IFIT1: variants seen among roughly 807,000 people sequenced by gnomAD.
The protein encoded by IFIT1 is antiviral innate immune response effector IFIT1.
Under a neutral mutation model 2.5 loss-of-function variants are expected in IFIT1, and 1 was observed. The ratio of observed to expected loss-of-function variants is 0.40; its 90% CI spans 0.14 to 1.92. The LOEUF is 1.92. Ranked by LOEUF, IFIT1 falls within the 40% of genes most tolerant of loss-of-function variation. IFIT1 has a pLI of 0.31. For synonymous variants in IFIT1, 191 were observed against 201.7 expected, an observed-to-expected ratio of 0.95 and a Z score of 0.45; for missense variants, 508 against 557.8, an observed-to-expected ratio of 0.91 and a Z score of 0.90.
chr10:89,401,803 C>A (rs1418456722), intron 1 of IFIT1, among the ~76,000 whole-genome samples: 2 of 149,744 alleles, frequency 1.3e-5, no homozygotes, highest in Non-Finnish European at 3.0e-5. Flanking sequence ...AAAAAAAAAA[C>A]CCGGGTCAAA....
rs1024037941 is a variant in IFIT1 at position 89,396,657 on chromosome 10, A to G, written c.5+3940A>G. On this transcript the variant is annotated intron_variant, in intron 1 of 1. Transcript: ENST00000371804. The stretch of plus-strand genomic sequence containing the variant: ...TAGACCCTACCTCCAAAATTGTGAC[A>G]CTAGAGATCAAATTTCCGTAGATTT... Among the ~76,000 whole-genome samples the G allele has an allele frequency of 7.9e-4, 121 of 152,222 alleles. 1 individual carries two copies. Among genetic ancestry groups the G allele is most frequent in the African/African-American group, 2.9e-3 (119 of 41,454 alleles).
chr10:89,396,318 CT>C (rs1337619124), intron 1 of IFIT1, among the ~76,000 whole-genome samples: 1 of 152,070 alleles, frequency 6.6e-6, no homozygotes, highest in African/African-American at 2.4e-5. Context: ...TGGGCAATTT[CT>C]AAAGAAAAAA....
In IFIT1 at chr10:89,403,228, T is replaced by C; in HGVS notation, c.953T>C (p.Leu318Pro). 3 of 1,614,150 alleles carry C rather than the reference T, an allele frequency of 1.9e-6. No homozygotes were observed. Among genetic ancestry groups the C allele is most frequent in the African/African-American group, 2.7e-5 (2 of 75,044 alleles). The stretch of plus-strand genomic sequence containing the variant: ...CCTAGAGGGCAGAACAGAGAAAAGC[T>C]AGACAAAATGATAAGATCAGCCATA... ...GQPRGQNREKLDKMIRSAIFH... is the reference protein window; with the variant it reads ...GQPRGQNREKPDKMIRSAIFH... The change falls in exon 2 of 2, where the codon CTA becomes CCA. Residue 318 changes from leucine (L) to proline (P), a missense_variant. Coordinates refer to ENST00000371804, the MANE Select transcript of IFIT1 (RefSeq NM_001548.5).
chr10:89,400,747 T>G (rs534919990), intron 1 of IFIT1, among the ~76,000 whole-genome samples: 4 of 152,356 alleles, frequency 2.6e-5, no homozygotes, highest in Admixed American at 2.0e-4. Context: ...CTTGGATGTC[T>G]TGTATTTCTT....
intron 1 of IFIT1, chr10:89,393,407 G>A (rs1844287406): frequency 2.6e-6 from 2 of 772,110 alleles, no homozygotes; most frequent in Admixed American, 7.3e-5. Context: ...TACCTAAAGG[G>A]CCTAATGTGG....
rs768117898 is a variant in IFIT1 at position 89,402,497 on chromosome 10, C to T, written c.222C>T (p.Ser74=). 4 of 1,614,184 alleles carry T rather than the reference C, an allele frequency of 2.5e-6. No homozygotes were observed. Among genetic ancestry groups the T allele is most frequent in the Non-Finnish European group, 3.4e-6 (4 of 1,180,050 alleles). ...GCCAGAATGAGGAAGCCCTGAAGAG[C>T]TTAAAAGAAGCTGAAAACTTAATGC... ...LKGQNEEALK[S]LKEAENLMQE... The change falls in exon 2 of 2, where the codon AGC becomes AGT. Residue 74 remains serine, a synonymous_variant. Coordinates refer to ENST00000371804, the MANE Select transcript of IFIT1 (RefSeq NM_001548.5).
chr10:89,402,591 T>A lies in IFIT1; in HGVS notation c.316T>A (p.Tyr106Asn). 1 of 1,614,214 alleles carries A rather than the reference T, an allele frequency of 6.2e-7. No homozygotes were observed. Among genetic ancestry groups the A allele is most frequent in the East Asian group, 2.2e-5 (1 of 44,888 alleles). ...CTGGGGCAACTTTGCCTGGATGTAT[T>A]ACCACATGGGCAGACTGGCAGAAGC... ...VTWGNFAWMY[Y>N]HMGRLAEAQT... is the part of the protein sequence containing the mutation. The change falls in exon 2 of 2, where the codon TAC (tyrosine) becomes AAC (asparagine). Residue 106 changes from tyrosine to asparagine, a missense_variant. Tyr to Asn is a moderately radical substitution (Grantham distance 143, BLOSUM62 -2). Transcript: ENST00000371804.
Position 89,402,622 on chromosome 10 carries a change from CT to C in IFIT1, c.349del (p.Tyr117ThrfsTer25). 6.2e-7 allele frequency: 1 copy of C among 1,614,244 alleles called. No homozygotes were observed. Among genetic ancestry groups the C allele is most frequent in the Non-Finnish European group, 8.5e-7 (1 of 1,180,046 alleles). ...ATGGGCAGACTGGCAGAAGCCCAGA[CT>C]TACCTGGACAAGGTGGAGAACATTT... is the stretch of plus-strand genomic sequence containing the variant. ...YHMGRLAEAQ[T>X]YLDKVENICK... On this transcript the variant is annotated frameshift_variant, in exon 2 of 2. Transcript: ENST00000371804. LOFTEE classifies it low-confidence loss of function (END_TRUNC).
At position 89,405,354 on chromosome 10, in the gene IFIT1, T is replaced by G. The variant is rs1345478396; in HGVS notation, c.*1642T>G. 1 of 152,220 alleles carries G rather than the reference T, an allele frequency of 6.6e-6. No individual in the cohort carries two copies. The highest frequency in any genetic ancestry group is 1.5e-5 in the Non-Finnish European group (1 of 68,040). The allele number at this position is 152,220 out of a possible 1,614,324, so 9.4% of individuals were successfully genotyped here. ...TTTGATTATGAATAATCATATTTTA[T>G]TGAAAGGCAAGGCACAACAAATAAT... On this transcript the variant is annotated 3_prime_UTR_variant, in exon 2 of 2. Coordinates refer to ENST00000371804, the MANE Select transcript of IFIT1 (RefSeq NM_001548.5).
rs555434177 is a variant in IFIT1, at chr10:89,403,102, A to T, written c.827A>T (p.Lys276Met). The T allele has an allele frequency of 1.5e-5, 25 of 1,614,188 alleles. No homozygotes were observed. The South Asian group carries it at 2.5e-4, about 16-fold the overall frequency. Residue 276 changes from lysine (K) to methionine (M), a missense_variant, in exon 2 of 2, where the codon AAG (lysine) becomes ATG (methionine). Transcript: ENST00000371804. ...SVDKALELLK[K>M]ALQETPTSVL... ...GATAAAGCTCTTGAGTTATTAAAAA[A>T]GGCCTTGCAGGAAACACCCACTTCT...
Position 89,402,539 on chromosome 10 carries a change from C to G in IFIT1, c.264C>G (p.Asn88Lys). ...AENLMQEEHD[N>K]QANVRSLVTW... ...ACTTAATGCAGGAAGAACATGACAACCAAGCAAATGTGAGGAGTCTGGTGA... is the reference window on the plus strand; with the variant it reads ...ACTTAATGCAGGAAGAACATGACAAGCAAGCAAATGTGAGGAGTCTGGTGA... The change falls in exon 2 of 2, where the codon AAC becomes AAG. Residue 88 changes from asparagine to lysine, a missense_variant. By Grantham distance (94) the Asn-to-Lys change is moderately conservative. Transcript: ENST00000371804. 1 of 1,614,068 alleles carries G rather than the reference C, an allele frequency of 6.2e-7. No individual in the cohort carries two copies. The highest frequency in any genetic ancestry group is 8.5e-7 in the Non-Finnish European group (1 of 1,179,944).
At chr10:89,401,359 G>A (rs2133627361) in intron 1 of IFIT1, among the ~76,000 whole-genome samples, 1 of 152,130 alleles carries the variant, frequency 6.6e-6, no homozygotes, top group Non-Finnish European at 1.5e-5. Flanking sequence ...GACCTCAAAT[G>A]ATCCACCTGC....
In IFIT1 at chr10:89,402,670, T is replaced by C. The variant is rs1192409871; in HGVS notation, c.395T>C (p.Phe132Ser). The C allele has an allele frequency of 6.2e-7, 1 of 1,614,064 alleles. No homozygotes were observed. Among genetic ancestry groups the C allele is most frequent in the African/African-American group, 1.3e-5 (1 of 74,922 alleles). ...ATTTGCAAGAAGCTTTCAAATCCCT[T>C]CCGCTATAGAATGGAGTGTCCAGAA... Reference protein sequence around the residue: ...ENICKKLSNPFRYRMECPEID... With the variant: ...ENICKKLSNPSRYRMECPEID... The change falls in exon 2 of 2, where the codon TTC becomes TCC. Residue 132 changes from phenylalanine (F) to serine (S), a missense_variant. By Grantham distance (155) the Phe-to-Ser change is radical (BLOSUM62 -2). Coordinates refer to ENST00000371804, the MANE Select transcript of IFIT1 (RefSeq NM_001548.5).
At chr10:89,395,754 A>C (rs1303017780) in intron 1 of IFIT1, among the ~76,000 whole-genome samples, 1 of 152,146 alleles carries the variant, frequency 6.6e-6, no homozygotes, top group East Asian at 1.9e-4. Flanking sequence ...AATACCCTGA[A>C]GCTCTTTCAA....
chr10:89,405,896 G>GC lies in IFIT1; in HGVS notation c.*2184_*2185insC, dbSNP rs1277082614. On this transcript the variant is annotated 3_prime_UTR_variant, in exon 2 of 2. Coordinates refer to ENST00000371804, the MANE Select transcript of IFIT1 (RefSeq NM_001548.5). Reference sequence around the variant, plus strand: ...AGACTTGGCCATGGATACGATTGCGGGGGGGGCATTATTCTTACCACAGAG... The same window carrying GC: ...AGACTTGGCCATGGATACGATTGCGGCGGGGGGCATTATTCTTACCACAGAG... 2.6e-5 allele frequency: 4 copies of GC among 152,084 alleles called. No homozygotes were observed. The highest frequency in any genetic ancestry group is 1.9e-4 in the East Asian group (1 of 5,192). The allele number at this position is 152,084 out of a possible 1,614,324, so 9.4% of individuals were successfully genotyped here.
chr10:89,402,160 A>T, intron 1 of IFIT1, 121 bp from the exon 2 acceptor site: 1 of 666,730 alleles, frequency 1.5e-6, no homozygotes, highest in Non-Finnish European at 2.5e-6. Context: ...CATTAACTTT[A>T]ATGAAACCTA....
intron 1 of IFIT1, among the ~76,000 whole-genome samples, chr10:89,395,496 C>T (rs1273547427): frequency 6.6e-6 from 1 of 152,136 alleles, no homozygotes; most frequent in African/African-American, 2.4e-5. Flanking sequence ...TCAATTGCCT[C>T]CTTTGTATTT....
rs148573484 is a variant in IFIT1 at position 89,396,352 on chromosome 10, G to A, written c.5+3635G>A. ...AAAGGTTTATTTAGCTCACAGTTCC[G>A]CAGCCCATACAAGAAGTATGGTGCT... is the stretch of plus-strand genomic sequence containing the variant. On this transcript the variant is annotated intron_variant, in intron 1 of 1. Transcript: ENST00000371804. Among the ~76,000 whole-genome samples the A allele has an allele frequency of 3.3e-4, 50 of 152,290 alleles. No individual in the cohort carries two copies. In the East Asian group the frequency reaches 7.3e-3, roughly 22 times the overall value.
rs750808912 is a variant in IFIT1 at position 89,403,479 on chromosome 10, T to G, written c.1204T>G (p.Tyr402Asp). ...ATCTGACGTCAATGCAATTATCCAT[T>G]ATTTAAAAGCTATAAAAATAGAACA... is the stretch of plus-strand genomic sequence containing the variant. ...KKSDVNAIIH[Y>D]LKAIKIEQAS... The change falls in exon 2 of 2, where the codon TAT becomes GAT. Residue 402 changes from tyrosine (Y) to aspartate (D), a missense_variant. Physicochemically the swap from Tyr to Asp is radical, Grantham distance 160. Transcript: ENST00000371804. 3 of 1,612,284 alleles carry G rather than the reference T, an allele frequency of 1.9e-6. No homozygotes were observed. Among genetic ancestry groups the G allele is most frequent in the African/African-American group, 1.3e-5 (1 of 74,780 alleles).
Sources: gnomAD v4.1 joint callset for allele counts (sites outside exome capture counted in the v4.1 genomes callset) on GRCh38, gnomAD v4.1.1 for gene constraint, MANE v1.5 for transcripts, NCBI Gene and HGNC (gene_info 2026-07-23, HGNC 2026-07-21) for gene names.